The following FOXP4 variants were observed in gnomAD, a reference collection of about 807,000 sequenced individuals.
FOXP4 encodes the protein forkhead box protein P4.
In FOXP4, 25 loss-of-function variants were observed where a neutral mutation model predicts 82.6. The observed-to-expected ratio is 0.30, with a 90% CI of 0.22 to 0.42. The LOEUF (loss-of-function observed/expected upper bound fraction) is 0.42, where lower values mean the gene tolerates loss of function less well. FOXP4 is among the 10% of genes least tolerant of loss of function. FOXP4 has a pLI of 1.00. For missense variants in FOXP4, 785 were observed against 900.9 expected, an observed-to-expected ratio of 0.87 and a Z score of 1.65; for synonymous variants, 415 against 388.2, an observed-to-expected ratio of 1.07 and a Z score of -0.81.
rs1764425422 is a variant in FOXP4 at position 41,558,989 on chromosome 6, C to A, written c.-16-6756C>A. Among the ~76,000 whole-genome samples the A allele has an allele frequency of 6.6e-6, 1 of 152,176 alleles. No individual in the cohort carries two copies. On this transcript the variant is annotated intron_variant, in intron 1 of 16. Transcript: ENST00000307972. The surrounding 1 kb of genome is among the most constrained non-coding windows in gnomAD (Gnocchi z 4.0). ...AAATGTATGTATTTCAAAGGTTTTT[C>A]ATTCTGGAAAAGTCTGAAACCGACG...
At chr6:41,555,456 G>A (rs1235665437) in intron 1 of FOXP4, among the ~76,000 whole-genome samples, 2 of 152,196 alleles carry the variant, frequency 1.3e-5, no homozygotes, top group African/African-American at 4.8e-5. Flanking sequence ...GCCAAGGCAT[G>A]TCGGGGCAGG....
At chr6:41,590,402 G>GC in intron 12 of FOXP4, 55 bp downstream of exon 12, 1 of 1,550,802 alleles carries the variant, frequency 6.4e-7, no homozygotes, top group South Asian at 1.2e-5. Flanking sequence ...TGCTCCCCCA[G>GC]CCCCCGCCAC....
At position 41,591,410 on chromosome 6, in the gene FOXP4, TC is replaced by T; in HGVS notation, c.1536+91del. The T allele has an allele frequency of 1.7e-6, 2 of 1,153,320 alleles. No homozygotes were observed. Among genetic ancestry groups the T allele is most frequent in the South Asian group, 2.6e-5 (2 of 75,636 alleles). The allele number at this position is 1,153,320 out of a possible 1,614,324, so 71.4% of individuals were successfully genotyped here. ...AGACCAAGGCTGCCTAACAATTAGT[TC>T]CCTAAACCATTAGTCCTGCAGAAAC... On this transcript the variant is annotated intron_variant, in intron 13 of 16. Coordinates refer to ENST00000307972, the MANE Select transcript of FOXP4 (RefSeq NM_001012426.2). The surrounding 1 kb of genome is among the most constrained non-coding windows in gnomAD (Gnocchi z 4.2).
At chr6:41,585,409 T>C (rs1003425135) in intron 4 of FOXP4, 22 bp from the exon 5 acceptor site, 4 of 1,612,216 alleles carry the variant, frequency 2.5e-6, no homozygotes, top group Non-Finnish European at 3.4e-6. Flanking sequence ...CTGCCAGTGG[T>C]AACCCTCCTC....
chr6:41,550,339 C>T (rs932259600), intron 1 of FOXP4, among the ~76,000 whole-genome samples: 6 of 152,180 alleles, frequency 3.9e-5, no homozygotes, highest in African/African-American at 1.4e-4. Context: ...GTACCTTGCA[C>T]GGTGCCGGGT....
chr6:41,584,826 C>A lies in FOXP4; in HGVS notation c.358C>A (p.Gln120Lys), dbSNP rs748380841. 1 of 1,608,906 alleles carries A rather than the reference C, an allele frequency of 6.2e-7. No individual in the cohort carries two copies. Among genetic ancestry groups the A allele is most frequent in the Non-Finnish European group, 8.5e-7 (1 of 1,177,894 alleles). The part of the protein sequence containing the change: ...PQMLTPQQMQ[Q>K]ILSPPQLQAL... ...GATGCTTACCCCGCAACAGATGCAG[C>A]AGATCCTGTCGCCCCCGCAGCTGCA... Residue 120 changes from glutamine (Q) to lysine (K), a missense_variant, in exon 4 of 17, where the codon CAG becomes AAG. Coordinates refer to ENST00000307972, the MANE Select transcript of FOXP4 (RefSeq NM_001012426.2).
At chr6:41,570,425 A>T in intron 2 of FOXP4, 1 of 470,716 alleles carries the variant, frequency 2.1e-6, no homozygotes, top group South Asian at 1.6e-5. Context: ...AGGTGGGAGG[A>T]GCTGGGGAGT....
chr6:41,595,046 TCACCCC>T (rs950778403), intron 14 of FOXP4, 55 bp downstream of exon 14: 99 of 1,609,038 alleles, frequency 6.2e-5, no homozygotes, highest in Non-Finnish European at 7.8e-5. Flanking sequence ...AGGAGCCAAC[TCACCCC>T]CACCCCCTAC....
At chr6:41,581,271 G>T (rs1765785211) in intron 3 of FOXP4, among the ~76,000 whole-genome samples, 1 of 152,178 alleles carries the variant, frequency 6.6e-6, no homozygotes, top group Non-Finnish European at 1.5e-5. Context: ...GAGACAATTT[G>T]GGTTCTTGAC....
intron 1 of FOXP4, among the ~76,000 whole-genome samples, chr6:41,562,475 G>A (rs1764640105): frequency 6.6e-6 from 1 of 152,100 alleles, no homozygotes; most frequent in Non-Finnish European, 1.5e-5. Flanking sequence ...TGTTCACTGG[G>A]TGTTACTCTG....
chr6:41,587,167 G>A lies in FOXP4; in HGVS notation c.658+11G>A, dbSNP rs540174553. ...AGACCCTTCCGCAAGGTGAGCACCC[G>A]CCACTCCTCCCCTCCCAGCCCCAAC... On this transcript the variant is annotated intron_variant, in intron 6 of 16. Coordinates refer to ENST00000307972, the MANE Select transcript of FOXP4 (RefSeq NM_001012426.2). 23 of 1,606,088 alleles carry A rather than the reference G, an allele frequency of 1.4e-5. No individual in the cohort carries two copies. The highest frequency in any genetic ancestry group is 1.0e-4 in the Admixed American group (6 of 59,672).
chr6:41,564,223 G>A (rs1438731703), intron 1 of FOXP4, among the ~76,000 whole-genome samples: 1 of 152,154 alleles, frequency 6.6e-6, no homozygotes, highest in East Asian at 1.9e-4. Flanking sequence ...GGAGGCCGAG[G>A]CAAGTGGATC....
intron 2 of FOXP4, among the ~76,000 whole-genome samples, 180 bp downstream of exon 2, chr6:41,566,144 C>A (rs965868407): frequency 2.6e-5 from 4 of 152,184 alleles, no homozygotes; most frequent in Non-Finnish European, 5.9e-5. Flanking sequence ...CCACCTTGAG[C>A]CTAGGCTACC....
Position 41,598,807 on chromosome 6 carries a change from G to A in FOXP4, c.1914G>A (p.Lys638=), listed in dbSNP as rs1425460301. The part of the protein sequence containing the change: ...PPQYSHQVQV[K]EEPAEAEEDR... The stretch of plus-strand genomic sequence containing the variant: ...GCCTCAGCCACCAGGTGCAGGTGAA[G>A]GAGGAGCCAGCAGAGGCAGAGGAAG... Residue 638 remains lysine (K), a synonymous_variant, in exon 17 of 17, where the codon AAG becomes AAA. Coordinates refer to ENST00000307972, the MANE Select transcript of FOXP4 (RefSeq NM_001012426.2). 1 of 1,565,612 alleles carries A rather than the reference G, an allele frequency of 6.4e-7. No homozygotes were observed. The highest frequency in any genetic ancestry group is 8.7e-7 in the Non-Finnish European group (1 of 1,155,210).
rs371736775 is a variant in FOXP4 at position 41,589,953 on chromosome 6, T to C, written c.1150-10T>C. 3 of 1,612,918 alleles carry C rather than the reference T, an allele frequency of 1.9e-6. No homozygotes were observed. The African/African-American group carries it at 4.0e-5, about 22-fold the overall frequency. On this transcript the variant is annotated splice_polypyrimidine_tract_variant and intron_variant, in intron 10 of 16. Transcript: ENST00000307972. ...GGCACTGGTCTCAGTACCCTCCCCG[T>C]TGCTCACAGCTGAACCCGGTCCCCG...
At chr6:41,596,078 G>A (rs375586259) in intron 14 of FOXP4, among the ~76,000 whole-genome samples, 20 of 152,028 alleles carry the variant, frequency 1.3e-4, no homozygotes, top group Admixed American at 5.9e-4. Context: ...TTTTACTTTT[G>A]GTAGAGACGG....
chr6:41,597,715 A>G, intron 15 of FOXP4, 66 bp from the exon 16 acceptor site: 2 of 1,546,406 alleles, frequency 1.3e-6, no homozygotes, highest in Non-Finnish European at 1.7e-6. Flanking sequence ...GGGAAGGCAC[A>G]GCACTTGACT....
At position 41,590,334 on chromosome 6, in the gene FOXP4, C is replaced by G; in HGVS notation, c.1421C>G (p.Ser474Cys). ...ADVRPPFTYASLIRQAILETP... is the reference protein window; with the variant it reads ...ADVRPPFTYACLIRQAILETP... ...GTCCGGCCCCCCTTCACCTACGCCT[C>G]CCTCATCCGCCAGGTGAGCAGGGCA... The change falls in exon 12 of 17, where the codon TCC (serine) becomes TGC (cysteine). Residue 474 changes from serine (S) to cysteine (C), a missense_variant. Transcript: ENST00000307972. 1 of 1,613,892 alleles carries G rather than the reference C, an allele frequency of 6.2e-7. No homozygotes were observed.
chr6:41,565,220 C>T (rs1361837203), intron 1 of FOXP4, among the ~76,000 whole-genome samples: 2 of 151,998 alleles, frequency 1.3e-5, no homozygotes, highest in African/African-American at 2.4e-5. Context: ...TTTAGCTGGT[C>T]GTGGTGGCAG....
Sources: allele counts gnomAD v4.1 joint callset (sites outside exome capture counted in the v4.1 genomes callset), GRCh38; gene constraint gnomAD v4.1.1; non-coding constraint Gnocchi (gnomAD v3.1); transcripts MANE v1.5; gene names NCBI Gene and HGNC (gene_info 2026-07-23, HGNC 2026-07-21).